Variants in KIF21A observed in about 807,000 individuals in gnomAD.
KIF21A encodes the protein kinesin-like protein KIF21A.
Under a neutral mutation model 202.9 loss-of-function variants are expected in KIF21A, and 114 were observed. That is an observed-to-expected ratio of 0.56 (90% CI 0.48 to 0.66). The LOEUF (loss-of-function observed/expected upper bound fraction) is 0.66. KIF21A is among the 30% of genes least tolerant of loss of function. The pLI is 0.00. For synonymous variants in KIF21A, 667 were observed against 670.8 expected (o/e 0.99, Z 0.09); for missense variants, 1,677 against 1,994.9 (o/e 0.84, Z 3.04).
intron 1 of KIF21A, among the ~76,000 whole-genome samples, chr12:39,421,747 A>T (rs902701195): frequency 6.9e-6 from 1 of 145,204 alleles, no homozygotes; most frequent in Non-Finnish European, 1.5e-5. Context: ...ATATATACAC[A>T]TACACACATA....
rs145259176 is a variant in KIF21A at position 39,319,979 on chromosome 12, G to C, written c.3706C>G (p.Pro1236Ala). 5.1e-5 allele frequency: 82 copies of C among 1,607,754 alleles called. No homozygotes were observed. The highest frequency in any genetic ancestry group is 1.0e-4 in the Admixed American group (6 of 59,656). ...RQSSLSEKKIPEPSPVTRRKA... is the reference protein window; with the variant it reads ...RQSSLSEKKIAEPSPVTRRKA... Reference sequence around the variant, plus strand: ...CTCCTTGTTACAGGAGAAGGCTCTGGAATTTTTTTTTCTGATAGAGATGAC... The same window carrying C: ...CTCCTTGTTACAGGAGAAGGCTCTGCAATTTTTTTTTCTGATAGAGATGAC... The change falls in exon 28 of 38, where the codon CCA becomes GCA. Residue 1236 changes from proline (P) to alanine (A), a missense_variant. This residue lies in a region of KIF21A where 705 missense variants were observed against 791.9 expected (regional missense o/e 0.89). Coordinates refer to ENST00000361418, the MANE Select transcript of KIF21A (RefSeq NM_001173464.2).
intron 29 of KIF21A, among the ~76,000 whole-genome samples, chr12:39,317,764 A>G (rs965923886): frequency 2.0e-5 from 3 of 152,196 alleles, no homozygotes; most frequent in African/African-American, 7.2e-5. Context: ...AGAATCTCCA[A>G]AAATTTAAAC....
intron 1 of KIF21A, among the ~76,000 whole-genome samples, chr12:39,434,266 G>C (rs958989108): frequency 6.6e-6 from 1 of 152,136 alleles, no homozygotes; most frequent in Non-Finnish European, 1.5e-5. Flanking sequence ...TTATAACAAA[G>C]CCACTCTCAA....
At chr12:39,345,962 A>T (rs1947852772) in intron 12 of KIF21A, among the ~76,000 whole-genome samples, 1 of 151,464 alleles carries the variant, frequency 6.6e-6, no homozygotes, top group African/African-American at 2.4e-5. Context: ...ATAAGGCCAC[A>T]GTTTCCTTTT....
Position 39,419,466 on chromosome 12 carries a change from C to A in KIF21A, c.44+23461G>T, listed in dbSNP as rs112337510. ...TGATTGAAGCTCCTATGTGAAGGAACCATACTGACCAGTAATGTTTACTAT... is the reference window on the plus strand; with the variant it reads ...TGATTGAAGCTCCTATGTGAAGGAAACATACTGACCAGTAATGTTTACTAT... On this transcript the variant is annotated intron_variant, in intron 1 of 37. Coordinates refer to ENST00000361418, the MANE Select transcript of KIF21A (RefSeq NM_001173464.2). Among the ~76,000 whole-genome samples, 407 of 152,220 alleles carry A rather than the reference C, an allele frequency of 2.7e-3. 3 individuals are homozygous for A. The highest frequency in any genetic ancestry group is 9.0e-3 in the African/African-American group (373 of 41,540).
At chr12:39,431,479 A>G (rs1349582543) in intron 1 of KIF21A, among the ~76,000 whole-genome samples, 1 of 152,182 alleles carries the variant, frequency 6.6e-6, no homozygotes, top group Non-Finnish European at 1.5e-5. Flanking sequence ...ATAATTAATA[A>G]TAAGTCTGGA....
At chr12:39,372,875 A>G (rs1382487641) in intron 1 of KIF21A, among the ~76,000 whole-genome samples, 1 of 152,132 alleles carries the variant, frequency 6.6e-6, no homozygotes, top group Non-Finnish European at 1.5e-5. Flanking sequence ...AAATAGGGAG[A>G]GTCAGAAACA....
chr12:39,358,359 A>G lies in KIF21A; in HGVS notation c.1034T>C (p.Ile345Thr), dbSNP rs1948954301. ...SLGGNSQTIM[I>T]ACVSPSDRDF... ...TCTGTCTGAAGGGCTGACACATGCT[A>G]TCATGATTGTTTGGCTGAAAGTTAC... The change falls in exon 8 of 38, where the codon ATA (isoleucine) becomes ACA (threonine). Residue 345 changes from isoleucine (I) to threonine (T), a missense_variant. Around this residue, in one of 3 missense-constraint regions of KIF21A, gnomAD observed 966 missense variants for 1,180.9 expected, o/e 0.82. Transcript: ENST00000361418. 2 of 1,613,960 alleles carry G rather than the reference A, an allele frequency of 1.2e-6. No homozygotes were observed. Among genetic ancestry groups the G allele is most frequent in the Admixed American group, 1.7e-5 (1 of 60,004 alleles).
intron 1 of KIF21A, among the ~76,000 whole-genome samples, chr12:39,391,199 TAG>T (rs1469409365): frequency 6.6e-6 from 1 of 152,210 alleles, no homozygotes; most frequent in African/African-American, 2.4e-5. Context: ...TGAGCTTAGA[TAG>T]AGTTTCAATA....
At chr12:39,439,195 C>G (rs1566413900) in intron 1 of KIF21A, among the ~76,000 whole-genome samples, 3 of 152,098 alleles carry the variant, frequency 2.0e-5, no homozygotes, top group African/African-American at 4.8e-5. Context: ...TTAGTATTTT[C>G]TTAATCGAAG....
chr12:39,306,148 C>T (rs1384072984), intron 34 of KIF21A, among the ~76,000 whole-genome samples: 3 of 152,180 alleles, frequency 2.0e-5, no homozygotes, highest in African/African-American at 7.2e-5. Flanking sequence ...TATCTAGCTT[C>T]TAAGATATTA....
At chr12:39,429,963 A>G (rs1955055802) in intron 1 of KIF21A, among the ~76,000 whole-genome samples, 1 of 152,188 alleles carries the variant, frequency 6.6e-6, no homozygotes, top group Admixed American at 6.5e-5. Context: ...GATAGGGATT[A>G]AGGGATTAAC....
chr12:39,399,038 A>G (rs1951970164), intron 1 of KIF21A, among the ~76,000 whole-genome samples: 1 of 152,094 alleles, frequency 6.6e-6, no homozygotes, highest in African/African-American at 2.4e-5. Flanking sequence ...AGCCTAGGCA[A>G]CACAGAGAAA....
intron 1 of KIF21A, among the ~76,000 whole-genome samples, chr12:39,441,244 G>C (rs563068308): frequency 3.9e-5 from 6 of 152,188 alleles, no homozygotes; most frequent in Admixed American, 1.3e-4. Flanking sequence ...CATCACTTTA[G>C]GGTCATCCAT....
chr12:39,369,996 T>C (rs773451710), intron 2 of KIF21A, 43 bp downstream of exon 2: 1 of 1,593,486 alleles, frequency 6.3e-7, no homozygotes, highest in Non-Finnish European at 8.6e-7. Flanking sequence ...GAATTAACAT[T>C]TCTGAAAAGT....
chr12:39,436,450 T>A (rs74431060), intron 1 of KIF21A, among the ~76,000 whole-genome samples: 1,531 of 60,660 alleles, frequency 0.025, 28 homozygotes, highest in East Asian at 0.066. Context: ...ATATATATAT[T>A]TTTTTTTTTT....
intron 1 of KIF21A, among the ~76,000 whole-genome samples, chr12:39,412,191 TA>T (rs1418127060): frequency 1.3e-5 from 2 of 151,982 alleles, no homozygotes; most frequent in African/African-American, 2.4e-5. Context: ...AAATTTAAGG[TA>T]AAAAAATGTA....
chr12:39,398,814 C>T (rs1166596180), intron 1 of KIF21A, among the ~76,000 whole-genome samples: 1 of 152,170 alleles, frequency 6.6e-6, no homozygotes, highest in African/African-American at 2.4e-5. Context: ...GAAATTCAGT[C>T]AGCCCTCTAT....
At chr12:39,337,021 T>A (rs972833797) in intron 17 of KIF21A, 75 bp downstream of exon 17, 3 of 957,082 alleles carry the variant, frequency 3.1e-6, no homozygotes, top group African/African-American at 3.2e-5. Flanking sequence ...TTACCAGAAA[T>A]TTTTCCTCCA....
Sources: gnomAD v4.1 joint callset for allele counts (sites outside exome capture counted in the v4.1 genomes callset) on GRCh38, gnomAD v4.1.1 for gene constraint, gnomAD v4.1.1 regional missense constraint, MANE v1.5 for transcripts, NCBI Gene and HGNC (gene_info 2026-07-23, HGNC 2026-07-21) for gene names.